Variants in AGBL4 observed in about 807,000 individuals in gnomAD.
AGBL4 encodes cytosolic carboxypeptidase 6.
In AGBL4, 58 loss-of-function variants were observed where a neutral mutation model predicts 66.4. That is an observed-to-expected ratio of 0.87 (90% CI 0.71 to 1.09). The LOEUF (loss-of-function observed/expected upper bound fraction) is 1.09. Ranked by LOEUF, AGBL4 falls within the 50% of genes least tolerant of loss-of-function variation. The pLI, the probability that AGBL4 is intolerant of heterozygous loss-of-function variation, is 0.00. For missense variants in AGBL4, 579 were observed against 631.0 expected, an observed-to-expected ratio of 0.92 and a Z score of 0.88; for synonymous variants, 234 against 222.9, an observed-to-expected ratio of 1.05 and a Z score of -0.44.
intron 3 of AGBL4, among the ~76,000 whole-genome samples, chr1:49,466,772 T>G (rs1646639883): frequency 6.6e-6 from 1 of 151,824 alleles, no homozygotes; most frequent in Non-Finnish European, 1.5e-5. Flanking sequence ...GTATCCTCAT[T>G]ACAGAAAGAC....
At chr1:48,676,900 T>G (rs1646374415) in intron 6 of AGBL4, among the ~76,000 whole-genome samples, 1 of 152,144 alleles carries the variant, frequency 6.6e-6, no homozygotes, top group Admixed American at 6.5e-5. Context: ...ACTGTTCTTC[T>G]AATTTGCATT....
chr1:48,758,801 G>T, intron 6 of AGBL4: 1 of 1,105,376 alleles, frequency 9.0e-7, no homozygotes, highest in South Asian at 1.8e-5. Context: ...CCTAGCCTCA[G>T]GGCACTTGGT....
At chr1:49,419,520 G>A (rs975146996) in intron 3 of AGBL4, among the ~76,000 whole-genome samples, 8 of 152,008 alleles carry the variant, frequency 5.3e-5, no homozygotes, top group African/African-American at 1.9e-4. Context: ...ATATTTTCTG[G>A]ATCCCTGCTG....
chr1:49,487,047 C>T (rs1257997951), intron 3 of AGBL4, among the ~76,000 whole-genome samples: 1 of 151,870 alleles, frequency 6.6e-6, no homozygotes, highest in Non-Finnish European at 1.5e-5. Context: ...AGCATAGTAC[C>T]TCTCAAAACA....
At chr1:49,656,523 T>G (rs1251152245) in intron 3 of AGBL4, among the ~76,000 whole-genome samples, 1 of 152,162 alleles carries the variant, frequency 6.6e-6, no homozygotes, top group Non-Finnish European at 1.5e-5. Flanking sequence ...AGCATCATCC[T>G]GATACCAAAG....
In AGBL4 at chr1:48,955,477, C is replaced by T. The variant is rs558198102; in HGVS notation, c.595-88247G>A. On this transcript the variant is annotated intron_variant, in intron 5 of 13. Transcript: ENST00000371839. ...GTTAGCTCTTTATCACAGGCTATCT[C>T]TTATTTGAAAACTTTGTATGCCATT... 4.3e-4 allele frequency among the ~76,000 whole-genome samples: 65 copies of T among 152,252 alleles called. 1 individual carries two copies. The highest frequency in any genetic ancestry group is 6.8e-3 in the Middle Eastern group (2 of 294).
At position 49,461,255 on chromosome 1, in the gene AGBL4, G is replaced by A. The variant is rs901074084; in HGVS notation, c.283-215391C>T. 1.6e-4 allele frequency among the ~76,000 whole-genome samples: 24 copies of A among 151,576 alleles called. 1 individual carries two copies. The highest frequency in any genetic ancestry group is 7.2e-4 in the Admixed American group (11 of 15,184). On this transcript the variant is annotated intron_variant, in intron 3 of 13. Transcript: ENST00000371839. ...ACACCAATTATTCTTAGGTTTGGAT[G>A]CTTAACATAGTCCCAAACTTCTTGC...
intron 5 of AGBL4, among the ~76,000 whole-genome samples, chr1:49,006,342 G>A (rs1397629085): frequency 8.5e-5 from 13 of 152,192 alleles, no homozygotes; most frequent in Non-Finnish European, 1.8e-4. Context: ...GGCGCACCAC[G>A]AGATTATATC....
intron 3 of AGBL4, among the ~76,000 whole-genome samples, chr1:49,426,586 A>G (rs981851304): frequency 1.3e-5 from 2 of 152,206 alleles, no homozygotes; most frequent in Non-Finnish European, 2.9e-5. Context: ...ATTTACTTTC[A>G]TATTTCAGTT....
chr1:49,028,659 T>G (rs1663936323), intron 5 of AGBL4, among the ~76,000 whole-genome samples: 1 of 152,036 alleles, frequency 6.6e-6, no homozygotes, highest in Non-Finnish European at 1.5e-5. Context: ...CTGAAGAAAG[T>G]GAGATGACGT....
chr1:49,030,001 C>A (rs1664073152), intron 5 of AGBL4, among the ~76,000 whole-genome samples: 1 of 152,124 alleles, frequency 6.6e-6, no homozygotes, highest in African/African-American at 2.4e-5. Flanking sequence ...TCTGCTAAAA[C>A]TAACTTAAAA....
chr1:49,550,838 A>G (rs1652895509), intron 3 of AGBL4, among the ~76,000 whole-genome samples: 1 of 151,966 alleles, frequency 6.6e-6, no homozygotes, highest in African/African-American at 2.4e-5. Flanking sequence ...TTGTATTTGG[A>G]TGTCTAGGTT....
At chr1:49,359,250 A>C (rs1052669708) in intron 3 of AGBL4, among the ~76,000 whole-genome samples, 1 of 149,784 alleles carries the variant, frequency 6.7e-6, no homozygotes, top group African/African-American at 2.4e-5. Flanking sequence ...GAAAGCAAAG[A>C]AAACTGCATT....
rs146693912 is a variant in AGBL4, at chr1:48,792,910, C to T, written c.634+74281G>A. Among the ~76,000 whole-genome samples the T allele has an allele frequency of 1.4e-3, 209 of 152,260 alleles. 3 individuals are homozygous for T. The Middle Eastern group carries it at 0.02, about 15-fold the overall frequency. On this transcript the variant is annotated intron_variant, in intron 6 of 13. Transcript: ENST00000371839. ...CAAAATATCCCAAATTGAACCAGACCGCTCTTTCTACCCCCATTCACACTC... is the reference window on the plus strand; with the variant it reads ...CAAAATATCCCAAATTGAACCAGACTGCTCTTTCTACCCCCATTCACACTC...
chr1:48,757,582 T>C (rs1277014823), intron 6 of AGBL4, among the ~76,000 whole-genome samples: 1 of 152,164 alleles, frequency 6.6e-6, no homozygotes, highest in African/African-American at 2.4e-5. Context: ...CCAATGTCAT[T>C]TCCTTTTCTA....
chr1:49,679,672 C>T lies in AGBL4; in HGVS notation c.282+17641G>A, dbSNP rs190208762. 5.4e-3 allele frequency among the ~76,000 whole-genome samples: 818 copies of T among 152,198 alleles called. 3 individuals are homozygous for T. Among genetic ancestry groups the T allele is most frequent in the Admixed American group, 8.6e-3 (131 of 15,268 alleles). On this transcript the variant is annotated intron_variant, in intron 3 of 13. Coordinates refer to ENST00000371839, the MANE Select transcript of AGBL4 (RefSeq NM_032785.4). ...TTTTTCTGGGCTTTCTGTAGGTTAA[C>T]TGAACTTTTCTTCTTTTTAGAATTC...
At chr1:48,919,841 A>C (rs1653933144) in intron 5 of AGBL4, among the ~76,000 whole-genome samples, 1 of 152,248 alleles carries the variant, frequency 6.6e-6, no homozygotes, top group Non-Finnish European at 1.5e-5. Context: ...ACTTAAGAGA[A>C]CAACATAAGG....
At chr1:48,647,719 G>C (rs1645860121) in intron 8 of AGBL4, 2 of 362,476 alleles carry the variant, frequency 5.5e-6, no homozygotes, top group Admixed American at 3.8e-5. Context: ...AAGCGCCGTG[G>C]GGTATAGGTG....
At chr1:48,980,449 T>C (rs1279054591) in intron 5 of AGBL4, among the ~76,000 whole-genome samples, 2 of 152,040 alleles carry the variant, frequency 1.3e-5, no homozygotes, top group African/African-American at 4.8e-5. Context: ...GTTAATCTAA[T>C]GGAATCCTAG....
Sources: allele counts gnomAD v4.1 joint callset (sites outside exome capture counted in the v4.1 genomes callset), GRCh38; gene constraint gnomAD v4.1.1; transcripts MANE v1.5; gene names NCBI Gene and HGNC (gene_info 2026-07-23, HGNC 2026-07-21).